Variants in RTRAF observed in about 807,000 individuals in gnomAD.
RTRAF encodes the protein RNA transcription, translation and transport factor.
Under a neutral mutation model 34.4 loss-of-function variants are expected in RTRAF, and 14 were observed. The observed-to-expected ratio is 0.41, with a 90% CI of 0.27 to 0.64. The LOEUF (loss-of-function observed/expected upper bound fraction) is 0.64, where lower values mean the gene tolerates loss of function less well. Ranked by LOEUF, RTRAF falls within the 30% of genes least tolerant of loss-of-function variation. The pLI, the probability that RTRAF is intolerant of heterozygous loss-of-function variation, is 0.34. For missense variants in RTRAF, 291 were observed against 288.4 expected, an observed-to-expected ratio of 1.01 and a Z score of -0.06; for synonymous variants, 96 against 95.3, an observed-to-expected ratio of 1.01 and a Z score of -0.04.
Position 51,989,682 on chromosome 14 carries a change from G to T in RTRAF, c.43G>T (p.Ala15Ser), listed in dbSNP as rs1191709554. 1.9e-6 allele frequency: 3 copies of T among 1,604,728 alleles called. No homozygotes were observed. The highest frequency in any genetic ancestry group is 2.6e-6 in the Non-Finnish European group (3 of 1,176,088). Reference protein sequence around the residue: ...KLTALDYHNPAGFNCKDETEF... With the variant: ...KLTALDYHNPSGFNCKDETEF... Reference sequence around the variant, plus strand: ...GACGGCTCTCGACTACCACAACCCCGCCGGCTTCAACTGCAAAGGTGAGGC... The same window carrying T: ...GACGGCTCTCGACTACCACAACCCCTCCGGCTTCAACTGCAAAGGTGAGGC... Residue 15 changes from alanine to serine, a missense_variant, in exon 1 of 8, where the codon GCC becomes TCC. Coordinates refer to ENST00000261700, the MANE Select transcript of RTRAF (RefSeq NM_016039.3).
Position 51,989,614 on chromosome 14 carries a change from G to A in RTRAF, c.-26G>A, listed in dbSNP as rs768689201. ...CTTCTTCTCTCCCGGCCGAGGCCCG[G>A]GGGACCAGAGCGAGAAGCGGGGACC... On this transcript the variant is annotated 5_prime_UTR_variant, in exon 1 of 8. Transcript: ENST00000261700. The A allele has an allele frequency of 1.3e-6, 2 of 1,591,208 alleles. No homozygotes were observed. The highest frequency in any genetic ancestry group is 1.7e-6 in the Non-Finnish European group (2 of 1,169,414).
At chr14:51,999,422 G>A in intron 4 of RTRAF, 1 of 251,014 alleles carries the variant, frequency 4.0e-6, no homozygotes, top group Non-Finnish European at 7.6e-6. Context: ...TCTTGCACTA[G>A]GGTTACATCC....
Position 52,004,629 on chromosome 14 carries a change from G to GGTATGTTCTAGAGATTT in RTRAF, c.*114_*130dup, listed in dbSNP as rs1555361177. The GGTATGTTCTAGAGATTT allele has an allele frequency of 3.9e-5, 42 of 1,063,898 alleles. No homozygotes were observed. In the African/African-American group the frequency reaches 6.3e-4, roughly 16 times the overall value. 65.9% of individuals were successfully genotyped at this position (1,063,898 alleles called of 1,614,324 possible). ...TCGGGGGAGGAAGCCCAGAAAATTGGGTATGTTCTAGAGATTTACCACCAT... is the reference window on the plus strand; with the variant it reads ...TCGGGGGAGGAAGCCCAGAAAATTGGGTATGTTCTAGAGATTTGTATGTTCTAGAGATTTACCACCAT... On this transcript the variant is annotated 3_prime_UTR_variant, in exon 8 of 8. Coordinates refer to ENST00000261700, the MANE Select transcript of RTRAF (RefSeq NM_016039.3).
chr14:51,994,123 G>A (rs1348060204), intron 3 of RTRAF, among the ~76,000 whole-genome samples: 4 of 152,176 alleles, frequency 2.6e-5, no homozygotes, highest in Non-Finnish European at 4.4e-5. Context: ...TCCCAGAATT[G>A]ATGGGACTTT....
chr14:52,004,663 G>T lies in RTRAF; in HGVS notation c.*147G>T. ...TAGAGATTTACCACCATTGCTTATTGCTTTTTTCTTTAATAAAGTTTAGGA... is the reference window on the plus strand; with the variant it reads ...TAGAGATTTACCACCATTGCTTATTTCTTTTTTCTTTAATAAAGTTTAGGA... On this transcript the variant is annotated 3_prime_UTR_variant, in exon 8 of 8. Transcript: ENST00000261700. 2 of 657,414 alleles carry T rather than the reference G, an allele frequency of 3.0e-6. No homozygotes were observed. The highest frequency in any genetic ancestry group is 2.9e-5 in the East Asian group (1 of 34,238). The allele number at this position is 657,414 out of a possible 1,614,324, so 40.7% of individuals were successfully genotyped here. A position where few individuals can be genotyped will look rare whatever the true frequency, so the allele number is the denominator to read the frequency against.
chr14:51,989,743 G>A (rs757730023), intron 1 of RTRAF, 43 bp downstream of exon 1: 6 of 1,563,298 alleles, frequency 3.8e-6, no homozygotes, highest in East Asian at 2.4e-5. Flanking sequence ...CCTGACCTGG[G>A]CGGAGGTCCC....
intron 2 of RTRAF, among the ~76,000 whole-genome samples, 190 bp from the exon 3 acceptor site, chr14:51,993,533 T>C (rs1890468452): frequency 6.6e-6 from 1 of 152,020 alleles, no homozygotes; most frequent in Admixed American, 6.6e-5. Context: ...TCGTATTCTA[T>C]TTTTTTTCTT....
At chr14:51,989,911 T>C (rs1890399108) in intron 1 of RTRAF, among the ~76,000 whole-genome samples, 1 of 152,252 alleles carries the variant, frequency 6.6e-6, no homozygotes. Flanking sequence ...TGTCTCGGCA[T>C]GTTACTTTCT....
At chr14:51,999,077 C>T (rs1420200994) in intron 4 of RTRAF, among the ~76,000 whole-genome samples, 1 of 151,862 alleles carries the variant, frequency 6.6e-6, no homozygotes, top group East Asian at 1.9e-4. Flanking sequence ...TTGGACACTC[C>T]AGAGCTGCTG....
intron 5 of RTRAF, 162 bp downstream of exon 5, chr14:51,999,958 TTC>T (rs1890576414): frequency 3.6e-6 from 2 of 551,726 alleles, no homozygotes; most frequent in Admixed American, 3.2e-5. Context: ...CTGATTTGGA[TTC>T]TGTTTTCTGC....
chr14:52,005,445 TTC>T lies in RTRAF; in HGVS notation c.*931_*932del. On this transcript the variant is annotated 3_prime_UTR_variant, in exon 8 of 8. Transcript: ENST00000261700. The stretch of plus-strand genomic sequence containing the variant: ...CAGTCACTGTTCTTTAGGGTCCAGG[TTC>T]TGATTGTAAACTCCAAGTCTTCCTT... The T allele has an allele frequency of 6.4e-7, 1 of 1,557,896 alleles. No individual in the cohort carries two copies. The highest frequency in any genetic ancestry group is 8.6e-7 in the Non-Finnish European group (1 of 1,156,180).
intron 6 of RTRAF, among the ~76,000 whole-genome samples, chr14:52,003,657 C>T (rs1179060099): frequency 2.0e-5 from 3 of 151,894 alleles, no homozygotes; most frequent in South Asian, 2.1e-4. Flanking sequence ...TTTTCATTTT[C>T]CTAGACTGTT....
chr14:51,993,080 C>G (rs2093168236), intron 2 of RTRAF, among the ~76,000 whole-genome samples: 1 of 151,628 alleles, frequency 6.6e-6, no homozygotes, highest in African/African-American at 2.4e-5. Flanking sequence ...CATATACACA[C>G]ACGTATTTCT....
At chr14:51,995,728 T>C (rs1452184178) in intron 3 of RTRAF, among the ~76,000 whole-genome samples, 6 of 152,126 alleles carry the variant, frequency 3.9e-5, no homozygotes, top group African/African-American at 1.4e-4. Flanking sequence ...TGCTGATGCC[T>C]CAGACTTAAA....
chr14:52,005,451 TTGTAAACTCCAAGTCTTCCTTTACATTAC>T lies in RTRAF; in HGVS notation c.*940_*968del. Reference sequence around the variant, plus strand: ...CTGTTCTTTAGGGTCCAGGTTCTGATTGTAAACTCCAAGTCTTCCTTTACATTACTGTACTTACTTTCTTCCTGTGAGAG... The same window carrying T: ...CTGTTCTTTAGGGTCCAGGTTCTGATTGTACTTACTTTCTTCCTGTGAGAG... On this transcript the variant is annotated 3_prime_UTR_variant, in exon 8 of 8. Transcript: ENST00000261700. 1 of 1,564,892 alleles carries T rather than the reference TTGTAAACTCCAAGTCTTCCTTTACATTAC, an allele frequency of 6.4e-7. No individual in the cohort carries two copies. Among genetic ancestry groups the T allele is most frequent in the South Asian group, 1.2e-5 (1 of 80,700 alleles).
At chr14:51,990,193 T>C (rs887680703) in intron 1 of RTRAF, among the ~76,000 whole-genome samples, 2 of 152,072 alleles carry the variant, frequency 1.3e-5, no homozygotes, top group African/African-American at 4.8e-5. Context: ...CACAATGAAA[T>C]CAGGACCGAT....
In RTRAF at chr14:52,009,992, AAAG is replaced by A. The variant is rs1446531148; in HGVS notation, c.*5479_*5481del. On this transcript the variant is annotated 3_prime_UTR_variant, in exon 8 of 8. Transcript: ENST00000261700. ...ACAAAGCAAGACCTTGTCTCAAAAA[AAAG>A]AAAAAAAAAAGAAAAAAGGACCTTC... 1.3e-5 allele frequency: 2 copies of A among 152,112 alleles called. No homozygotes were observed. Among genetic ancestry groups the A allele is most frequent in the Non-Finnish European group, 2.9e-5 (2 of 68,092 alleles). 9.4% of individuals were successfully genotyped at this position (152,112 alleles called of 1,614,324 possible). A position where few individuals can be genotyped will look rare whatever the true frequency, so the allele number is the denominator to read the frequency against.
chr14:51,997,317 G>T (rs1011736670), intron 3 of RTRAF, among the ~76,000 whole-genome samples: 1 of 151,706 alleles, frequency 6.6e-6, no homozygotes, highest in Non-Finnish European at 1.5e-5. Context: ...ACATTTATTT[G>T]TTGGCTTTCT....
chr14:52,005,121 T>A lies in RTRAF; in HGVS notation c.*605T>A, dbSNP rs1890709386. 3 of 184,700 alleles carry A rather than the reference T, an allele frequency of 1.6e-5. No individual in the cohort carries two copies. In the South Asian group the frequency reaches 5.4e-4, roughly 33 times the overall value. 11.4% of individuals were successfully genotyped at this position (184,700 alleles called of 1,614,324 possible). Reference sequence around the variant, plus strand: ...ATTGATCACATGTGCTTTAATTTCTTGGCCAGAAGGAATCCATGGCAAAAA... The same window carrying A: ...ATTGATCACATGTGCTTTAATTTCTAGGCCAGAAGGAATCCATGGCAAAAA... On this transcript the variant is annotated 3_prime_UTR_variant, in exon 8 of 8. Transcript: ENST00000261700.
Sources: allele counts gnomAD v4.1 joint callset (sites outside exome capture counted in the v4.1 genomes callset), GRCh38; gene constraint gnomAD v4.1.1; transcripts MANE v1.5; gene names NCBI Gene and HGNC (gene_info 2026-07-23, HGNC 2026-07-21).